Variants in RBKS observed in about 807,000 individuals in gnomAD.
The protein encoded by RBKS is ribokinase.
Under a neutral mutation model 33.9 loss-of-function variants are expected in RBKS, and 33 were observed. The ratio of observed to expected loss-of-function variants is 0.97; its 90% CI spans 0.74 to 1.30. The LOEUF (loss-of-function observed/expected upper bound fraction) is 1.30, where lower values mean the gene tolerates loss of function less well. RBKS is among the 50% of genes most tolerant of loss of function. The pLI is 0.00. For missense variants in RBKS, 361 were observed against 392.6 expected (o/e 0.92, Z 0.68); for synonymous variants, 125 against 143.0 (o/e 0.87, Z 0.90).
chr2:27,781,436 T>C lies in RBKS; in HGVS notation c.*179A>G, dbSNP rs1019635366. ...TTTAATTCTGGTTGTTTTGTGCAAA[T>C]GCATGGAAAGCAAAAGAATCATCGT... is the stretch of plus-strand genomic sequence containing the variant. On this transcript the variant is annotated 3_prime_UTR_variant, in exon 8 of 8. Transcript: ENST00000302188. The C allele has an allele frequency of 1.1e-5, 6 of 564,418 alleles. No individual in the cohort carries two copies. The highest frequency in any genetic ancestry group is 2.5e-5 in the South Asian group (1 of 39,454). 35.0% of individuals were successfully genotyped at this position (564,418 alleles called of 1,614,324 possible). A position where few individuals can be genotyped will look rare whatever the true frequency, so the allele number is the denominator to read the frequency against.
intron 7 of RBKS, among the ~76,000 whole-genome samples, chr2:27,791,346 AAAG>A (rs1334918411): frequency 6.6e-6 from 1 of 152,190 alleles, no homozygotes; most frequent in Non-Finnish European, 1.5e-5. Flanking sequence ...TAGACTGAGT[AAAG>A]AAGATTGATC....
intron 7 of RBKS, among the ~76,000 whole-genome samples, chr2:27,806,041 G>C (rs1677890543): frequency 6.6e-6 from 1 of 151,904 alleles, no homozygotes; most frequent in Admixed American, 6.6e-5. Context: ...ACAGGTGGGT[G>C]GTTAATTTTT....
chr2:27,847,748 T>C (rs1413979329), intron 3 of RBKS, among the ~76,000 whole-genome samples: 1 of 152,248 alleles, frequency 6.6e-6, no homozygotes, highest in Non-Finnish European at 1.5e-5. Context: ...AGCTATAACA[T>C]TCTTAAAACA....
chr2:27,887,963 C>T (rs1664573678), intron 1 of RBKS, among the ~76,000 whole-genome samples: 1 of 151,970 alleles, frequency 6.6e-6, no homozygotes, highest in Admixed American at 6.6e-5. Context: ...CTAAAATGGG[C>T]CTTTGACACC....
chr2:27,829,043 C>A (rs1678371903), intron 6 of RBKS, among the ~76,000 whole-genome samples: 1 of 152,086 alleles, frequency 6.6e-6, no homozygotes. Context: ...AGGCATGCAC[C>A]ACCACACACA....
In RBKS at chr2:27,847,113, A is replaced by G; in HGVS notation, c.287-9T>C. On this transcript the variant is annotated splice_polypyrimidine_tract_variant and intron_variant, in intron 3 of 7. Coordinates refer to ENST00000302188, the MANE Select transcript of RBKS (RefSeq NM_022128.3). The stretch of plus-strand genomic sequence containing the variant: ...AGTCTGATATGTAAATTCTGAAAGA[A>G]AAAAGAAAATTACAATCACATGTAT... 2 of 1,550,098 alleles carry G rather than the reference A, an allele frequency of 1.3e-6. No homozygotes were observed. Among genetic ancestry groups the G allele is most frequent in the Non-Finnish European group, 1.8e-6 (2 of 1,122,770 alleles).
rs1458448821 is a variant in RBKS at position 27,809,663 on chromosome 2, T to C, written c.795+17904A>G. On this transcript the variant is annotated intron_variant, in intron 7 of 7. Coordinates refer to ENST00000302188, the MANE Select transcript of RBKS (RefSeq NM_022128.3). Reference sequence around the variant, plus strand: ...ACAGTTAATCCAATAGGACTTAGTATCTTACAAAAGACTCGCTAAAATATT... The same window carrying C: ...ACAGTTAATCCAATAGGACTTAGTACCTTACAAAAGACTCGCTAAAATATT... The C allele has an allele frequency of 1.3e-4, 41 of 308,056 alleles. 1 individual carries two copies. The Admixed American group carries it at 1.9e-3, about 15-fold the overall frequency. The allele number at this position is 308,056 out of a possible 1,614,324, so 19.1% of individuals were successfully genotyped here. A position where few individuals can be genotyped will look rare whatever the true frequency, so the allele number is the denominator to read the frequency against.
At chr2:27,786,081 C>G (rs1221968254) in intron 7 of RBKS, among the ~76,000 whole-genome samples, 10 of 152,032 alleles carry the variant, frequency 6.6e-5, no homozygotes, top group Non-Finnish European at 7.4e-5. Context: ...CATCCATGAT[C>G]CCATTTGGGG....
intron 1 of RBKS, among the ~76,000 whole-genome samples, chr2:27,882,317 T>C (rs1664434322): frequency 6.6e-6 from 1 of 152,026 alleles, no homozygotes; most frequent in Non-Finnish European, 1.5e-5. Context: ...GCAATAAGCA[T>C]ATCAAAAAAA....
intron 7 of RBKS, chr2:27,782,446 ATGG>A (rs1472715299): frequency 2.2e-5 from 5 of 232,164 alleles, no homozygotes; most frequent in South Asian, 5.3e-5. Context: ...AGCATCCCAA[ATGG>A]TGGGATTACA....
chr2:27,861,662 T>TG, intron 1 of RBKS: 5 of 321,194 alleles, frequency 1.6e-5, no homozygotes, highest in Admixed American at 4.2e-5. Context: ...CCATTTCTTT[T>TG]TGGGGGGGGG....
At chr2:27,808,657 G>A (rs1677935680) in intron 7 of RBKS, among the ~76,000 whole-genome samples, 1 of 152,220 alleles carries the variant, frequency 6.6e-6, no homozygotes, top group South Asian at 2.1e-4. Context: ...GTGTCTCAGG[G>A]TCCATTCTCA....
At position 27,797,541 on chromosome 2, in the gene RBKS, G is replaced by A. The variant is rs539115402; in HGVS notation, c.796-15753C>T. On this transcript the variant is annotated intron_variant, in intron 7 of 7. Transcript: ENST00000302188. ...GATGGAGAAGCTATTTTGGGGGAAA[G>A]AGACTGCCCACATTTTCCCATTTCC... is the stretch of plus-strand genomic sequence containing the variant. Among the ~76,000 whole-genome samples, 13 of 152,348 alleles carry A rather than the reference G, an allele frequency of 8.5e-5. No homozygotes were observed. The South Asian group carries it at 2.5e-3, about 29-fold the overall frequency.
intron 6 of RBKS, among the ~76,000 whole-genome samples, chr2:27,830,716 A>T (rs1678401359): frequency 6.6e-6 from 1 of 152,188 alleles, no homozygotes; most frequent in Non-Finnish European, 1.5e-5. Context: ...TTATTTTCCA[A>T]AGATAACTGT....
At chr2:27,870,322 A>T (rs1664177539) in intron 1 of RBKS, 1 of 156,182 alleles carries the variant, frequency 6.4e-6, no homozygotes, top group African/African-American at 2.4e-5. Flanking sequence ...GAAGTGACAG[A>T]TCGAGTTCGT....
At chr2:27,847,358 T>C (rs1468929391) in intron 3 of RBKS, among the ~76,000 whole-genome samples, 1 of 152,134 alleles carries the variant, frequency 6.6e-6, no homozygotes, top group African/African-American at 2.4e-5. Flanking sequence ...TACTTTCGAT[T>C]CCCCCCAATT....
intron 3 of RBKS, 117 bp from the exon 4 acceptor site, chr2:27,847,221 G>A: frequency 1.7e-6 from 1 of 583,388 alleles, no homozygotes; most frequent in Admixed American, 2.7e-5. Context: ...TAACCATCTG[G>A]AATGATAAAA....
chr2:27,843,310 C>T (rs923530934), intron 4 of RBKS, 79 bp from the exon 5 acceptor site: 11 of 1,088,538 alleles, frequency 1.0e-5, no homozygotes, highest in African/African-American at 1.6e-5. Flanking sequence ...TGAATACAAT[C>T]GCCCTTGTAA....
At chr2:27,822,527 A>C (rs995612010) in intron 7 of RBKS, among the ~76,000 whole-genome samples, 15 of 152,330 alleles carry the variant, frequency 9.8e-5, no homozygotes, top group African/African-American at 3.1e-4. Context: ...GCCACCTGGG[A>C]AACCTGCAAG....
Sources: allele counts gnomAD v4.1 joint callset (sites outside exome capture counted in the v4.1 genomes callset), GRCh38; gene constraint gnomAD v4.1.1; transcripts MANE v1.5; gene names NCBI Gene and HGNC (gene_info 2026-07-23, HGNC 2026-07-21).